OSBPL10: variants seen among roughly 807,000 people sequenced by gnomAD.
The protein encoded by OSBPL10 is oxysterol-binding protein-related protein 10.
OSBPL10 carries 49 observed loss-of-function variants against 81.7 expected under a neutral mutation model. That is an observed-to-expected ratio of 0.60 (90% confidence interval 0.48 to 0.76). The LOEUF is 0.76. Among genes scored for constraint, OSBPL10 ranks in the 30% least tolerant of loss-of-function variants. OSBPL10 has a pLI of 0.00. For synonymous variants in OSBPL10, 419 were observed against 383.6 expected, an observed-to-expected ratio of 1.09 and a Z score of -1.08; for missense variants, 923 against 987.8, an observed-to-expected ratio of 0.93 and a Z score of 0.88.
intron 4 of OSBPL10, among the ~76,000 whole-genome samples, chr3:31,811,444 T>G (rs1236250913): frequency 1.3e-5 from 2 of 152,204 alleles, no homozygotes; most frequent in African/African-American, 4.8e-5. Context: ...GTAAAGCCTT[T>G]GTAATTGCCT....
At chr3:31,679,003 A>G (rs1700567615) in intron 8 of OSBPL10, among the ~76,000 whole-genome samples, 1 of 152,000 alleles carries the variant, frequency 6.6e-6, no homozygotes, top group African/African-American at 2.4e-5. Flanking sequence ...GACGTTCCAG[A>G]GCCCCAAAAT....
At chr3:32,070,371 CA>C (rs1374077928) in intron 1 of OSBPL10, among the ~76,000 whole-genome samples, 1 of 152,204 alleles carries the variant, frequency 6.6e-6, no homozygotes, top group Non-Finnish European at 1.5e-5. Context: ...TAGGTCAAGA[CA>C]TTTTAACCAA....
chr3:32,068,859 C>A (rs975024021), intron 1 of OSBPL10, among the ~76,000 whole-genome samples: 1 of 152,024 alleles, frequency 6.6e-6, no homozygotes, highest in Non-Finnish European at 1.5e-5. Context: ...TTTTTACTAA[C>A]CCATCTGACC....
At chr3:31,764,480 CAG>C (rs1258308636) in intron 4 of OSBPL10, among the ~76,000 whole-genome samples, 12 of 152,186 alleles carry the variant, frequency 7.9e-5, no homozygotes, top group South Asian at 4.1e-4. Flanking sequence ...GGAGGCAAAA[CAG>C]GGGAAGAAGA....
chr3:32,011,323 G>C lies in OSBPL10; in HGVS notation n.298+35168C>G, dbSNP rs1025725033. Among the ~76,000 whole-genome samples, 7 of 152,180 alleles carry C rather than the reference G, an allele frequency of 4.6e-5. No individual in the cohort carries two copies. In the East Asian group the frequency reaches 1.3e-3, roughly 29 times the overall value. ...TTCAGCCTCCGCTGCTGATACCCAG[G>C]CAAACAGGGTCTGGAGTGGACCTCC... On this transcript the variant is annotated intron_variant and non_coding_transcript_variant, in intron 2 of 3. Coordinates refer to the OSBPL10 transcript ENST00000479173.
chr3:31,666,307 C>T (rs992117308), intron 10 of OSBPL10, among the ~76,000 whole-genome samples: 5 of 152,248 alleles, frequency 3.3e-5, no homozygotes, highest in Admixed American at 2.6e-4. Flanking sequence ...ATGGGAAGAC[C>T]GAAGACCACA....
intron 1 of OSBPL10, among the ~76,000 whole-genome samples, chr3:31,949,609 AGTGAGCT>A (rs1321422617): frequency 7.9e-6 from 1 of 127,046 alleles, no homozygotes; most frequent in African/African-American, 2.9e-5. Context: ...TGGAGCTTGC[AGTGAGCT>A]GAGATCACCT....
intron 4 of OSBPL10, among the ~76,000 whole-genome samples, chr3:31,769,472 AAAAAAAAC>A (rs1698308234): frequency 3.5e-5 from 5 of 141,410 alleles, no homozygotes; most frequent in African/African-American, 1.3e-4. Context: ...AAAAAAAACA[AAAAAAAAC>A]AGAATAAAAA....
intron 2 of OSBPL10, among the ~76,000 whole-genome samples, chr3:32,041,075 A>C (rs1699570097): frequency 6.6e-6 from 1 of 152,202 alleles, no homozygotes; most frequent in Admixed American, 6.5e-5. Flanking sequence ...ATATCTGGGC[A>C]GGTGCCCGCT....
intron 6 of OSBPL10, among the ~76,000 whole-genome samples, chr3:31,729,476 G>A (rs1036526573): frequency 7.2e-5 from 11 of 152,066 alleles, no homozygotes; most frequent in Non-Finnish European, 1.0e-4. Context: ...GGCTGGAGTG[G>A]AGTGGCACAA....
chr3:31,857,927 T>A (rs188346171), intron 3 of OSBPL10, among the ~76,000 whole-genome samples: 109 of 150,718 alleles, frequency 7.2e-4, no homozygotes, highest in African/African-American at 2.6e-3. Flanking sequence ...AAAGTAAGTA[T>A]GTGTGTGTCT....
chr3:31,970,614 A>G lies in OSBPL10; in HGVS notation c.281+10285T>C, dbSNP rs74437949. On this transcript the variant is annotated intron_variant, in intron 1 of 11. Transcript: ENST00000396556. Reference sequence around the variant, plus strand: ...AAACTGGGGTCTATAGCTACAGGAAAAGGGGAGAATGGATAGCTTTGCAAC... The same window carrying G: ...AAACTGGGGTCTATAGCTACAGGAAGAGGGGAGAATGGATAGCTTTGCAAC... Among the ~76,000 whole-genome samples the G allele has an allele frequency of 2.5e-3, 386 of 152,342 alleles. 1 individual carries two copies. Among genetic ancestry groups the G allele is most frequent in the African/African-American group, 8.8e-3 (367 of 41,592 alleles).
At chr3:31,867,227 GGAGA>G (rs975871202) in intron 3 of OSBPL10, among the ~76,000 whole-genome samples, 1 of 152,134 alleles carries the variant, frequency 6.6e-6, no homozygotes, top group Non-Finnish European at 1.5e-5. Flanking sequence ...GTAAGCGCCA[GGAGA>G]GAGTCAGGCC....
At chr3:32,007,668 C>A (rs922156518) in intron 2 of OSBPL10, among the ~76,000 whole-genome samples, 13 of 152,150 alleles carry the variant, frequency 8.5e-5, no homozygotes, top group African/African-American at 2.9e-4. Context: ...CTCCCCACAC[C>A]CCCTCTCAAT....
intron 10 of OSBPL10, 95 bp downstream of exon 10, chr3:31,668,547 A>G: frequency 8.4e-7 from 1 of 1,185,514 alleles, no homozygotes; most frequent in Non-Finnish European, 1.2e-6. Flanking sequence ...GCCTGTTTCC[A>G]GTCGCTAAGT....
At chr3:31,703,708 A>G (rs1695970231) in intron 6 of OSBPL10, 1 of 152,136 alleles carries the variant, frequency 6.6e-6, no homozygotes, top group Admixed American at 6.5e-5. Flanking sequence ...TTCAACGTAA[A>G]TAGACGTTTT....
At chr3:31,945,335 C>G (rs78868034) in intron 1 of OSBPL10, among the ~76,000 whole-genome samples, 1 of 152,080 alleles carries the variant, frequency 6.6e-6, no homozygotes, top group East Asian at 1.9e-4. Flanking sequence ...TGACATGGGG[C>G]TCCCAAAGTC....
chr3:31,706,067 G>A (rs1334862205), intron 6 of OSBPL10, among the ~76,000 whole-genome samples: 2 of 152,180 alleles, frequency 1.3e-5, no homozygotes, highest in Non-Finnish European at 2.9e-5. Context: ...AATAAAAACA[G>A]AAATTACGAC....
At chr3:31,994,867 G>A (rs950234997) in intron 2 of OSBPL10, among the ~76,000 whole-genome samples, 4 of 152,032 alleles carry the variant, frequency 2.6e-5, no homozygotes, top group East Asian at 1.9e-4. Flanking sequence ...CCTAAGTGTC[G>A]GCTGGTCTGA....
Sources: allele counts gnomAD v4.1 joint callset (sites outside exome capture counted in the v4.1 genomes callset), GRCh38; gene constraint gnomAD v4.1.1; transcripts MANE v1.5; gene names NCBI Gene and HGNC (gene_info 2026-07-23, HGNC 2026-07-21).